Variants in CCSER1 observed in about 807,000 individuals in gnomAD.
CCSER1 encodes serine-rich coiled-coil domain-containing protein 1.
Under a neutral mutation model 82.0 loss-of-function variants are expected in CCSER1, and 41 were observed. The observed-to-expected ratio is 0.50, with a 90% CI of 0.39 to 0.65. The LOEUF is 0.65. Among genes scored for constraint, CCSER1 ranks in the 30% least tolerant of loss-of-function variants. The probability of loss-of-function intolerance (pLI) is 0.00; values close to 1 mark genes in which losing one functional copy is unlikely to be tolerated. For synonymous variants in CCSER1, 414 were observed against 383.9 expected (o/e 1.08, Z -0.92); for missense variants, 1,119 against 1,064.2 (o/e 1.05, Z -0.72).
intron 10 of CCSER1, among the ~76,000 whole-genome samples, chr4:91,191,188 A>C (rs1381524046): frequency 1.3e-5 from 2 of 152,160 alleles, no homozygotes; most frequent in Admixed American, 1.3e-4. Flanking sequence ...CTTTCTTTTC[A>C]AAGCTAACTG....
chr4:90,332,364 G>A (rs1302057773), intron 3 of CCSER1, among the ~76,000 whole-genome samples: 3 of 150,884 alleles, frequency 2.0e-5, no homozygotes, highest in Admixed American at 1.3e-4. Flanking sequence ...AGCCTCCCAC[G>A]TAGCTGGGAT....
At chr4:90,707,610 C>T (rs924542989) in intron 6 of CCSER1, among the ~76,000 whole-genome samples, 2 of 151,710 alleles carry the variant, frequency 1.3e-5, no homozygotes, top group Non-Finnish European at 2.9e-5. Context: ...TCCAAACATC[C>T]ATTATCTCTC....
At position 91,446,634 on chromosome 4, in the gene CCSER1, ATG is replaced by A. The variant is rs1161550396; in HGVS notation, c.2218-151936_2218-151935del. Among the ~76,000 whole-genome samples, 31 of 146,276 alleles carry A rather than the reference ATG, an allele frequency of 2.1e-4. No homozygotes were observed. In the Admixed American group the frequency reaches 2.2e-3, roughly 10 times the overall value. The stretch of plus-strand genomic sequence containing the variant: ...ATGTAGTAATGAATATGTAATGTCT[ATG>A]TAATGAATATTTTATACAAATATAT... On this transcript the variant is annotated intron_variant, in intron 10 of 10. Transcript: ENST00000509176.
chr4:90,482,037 C>T (rs1408236769), intron 5 of CCSER1, among the ~76,000 whole-genome samples: 1 of 152,138 alleles, frequency 6.6e-6, no homozygotes, highest in Non-Finnish European at 1.5e-5. Flanking sequence ...TAATTATAGC[C>T]TCAATTTCAA....
intron 8 of CCSER1, among the ~76,000 whole-genome samples, chr4:90,823,200 TAA>T (rs1759987513): frequency 6.6e-6 from 1 of 152,024 alleles, no homozygotes; most frequent in Non-Finnish European, 1.5e-5. Flanking sequence ...AGGTTATGAT[TAA>T]GTTTTAAACT....
intron 9 of CCSER1, among the ~76,000 whole-genome samples, chr4:90,993,192 T>A (rs1012469781): frequency 6.6e-6 from 1 of 152,114 alleles, no homozygotes; most frequent in African/African-American, 2.4e-5. Context: ...GTAAATGTAG[T>A]CATTTTTATG....
At chr4:90,938,184 G>A (rs1305018457) in intron 9 of CCSER1, among the ~76,000 whole-genome samples, 1 of 151,984 alleles carries the variant, frequency 6.6e-6, no homozygotes, top group African/African-American at 2.4e-5. Flanking sequence ...ATAATAATAA[G>A]ATAATAATTG....
chr4:90,777,159 C>T (rs1580417184), intron 7 of CCSER1, among the ~76,000 whole-genome samples: 1 of 151,978 alleles, frequency 6.6e-6, no homozygotes, highest in East Asian at 1.9e-4. Flanking sequence ...GAGTTCGAGA[C>T]CAGCCCAGCC....
chr4:91,047,947 T>A (rs1230321424), intron 9 of CCSER1, among the ~76,000 whole-genome samples: 1 of 152,130 alleles, frequency 6.6e-6, no homozygotes, highest in African/African-American at 2.4e-5. Flanking sequence ...TTAATTTTTA[T>A]TAATAAATGG....
chr4:91,418,031 C>T (rs1452783937), intron 10 of CCSER1, among the ~76,000 whole-genome samples: 2 of 151,680 alleles, frequency 1.3e-5, no homozygotes, highest in Non-Finnish European at 2.9e-5. Context: ...TGACTTGACA[C>T]AAAAGAATAT....
At chr4:90,152,077 G>C (rs904713677) in intron 1 of CCSER1, among the ~76,000 whole-genome samples, 3 of 152,144 alleles carry the variant, frequency 2.0e-5, no homozygotes, top group Non-Finnish European at 4.4e-5. Flanking sequence ...TTGACTGCAA[G>C]TAACCCAAAT....
chr4:90,425,921 T>C (rs1757462236), intron 4 of CCSER1, among the ~76,000 whole-genome samples: 1 of 150,952 alleles, frequency 6.6e-6, no homozygotes, highest in Non-Finnish European at 1.5e-5. Flanking sequence ...TTCTATTTTT[T>C]TTAAAAAAAA....
At chr4:90,187,562 T>C (rs1005686463) in intron 1 of CCSER1, among the ~76,000 whole-genome samples, 1 of 151,934 alleles carries the variant, frequency 6.6e-6, no homozygotes, top group Non-Finnish European at 1.5e-5. Context: ...TAGGGTTTTT[T>C]TGAGCCACAG....
intron 5 of CCSER1, among the ~76,000 whole-genome samples, chr4:90,564,961 T>C (rs1301980373): frequency 6.6e-6 from 1 of 152,118 alleles, no homozygotes; most frequent in African/African-American, 2.4e-5. Flanking sequence ...TAGTATAATG[T>C]CTCTAACCTC....
intron 5 of CCSER1, among the ~76,000 whole-genome samples, chr4:90,481,374 C>A (rs1266227289): frequency 6.6e-6 from 1 of 152,130 alleles, no homozygotes; most frequent in African/African-American, 2.4e-5. Flanking sequence ...CCTTCTCCTG[C>A]CTGATTGCCC....
chr4:90,786,034 C>T (rs1262529297), intron 7 of CCSER1, among the ~76,000 whole-genome samples: 1 of 152,148 alleles, frequency 6.6e-6, no homozygotes. Context: ...CTGGCCTGGT[C>T]GACTTCAATT....
chr4:91,461,497 G>T (rs1177213639), intron 10 of CCSER1, among the ~76,000 whole-genome samples: 1 of 152,080 alleles, frequency 6.6e-6, no homozygotes, highest in Non-Finnish European at 1.5e-5. Flanking sequence ...AAGTATAGTT[G>T]TGGGACAACA....
intron 6 of CCSER1, among the ~76,000 whole-genome samples, chr4:90,656,076 G>C (rs1729645431): frequency 6.6e-6 from 1 of 151,702 alleles, no homozygotes; most frequent in Admixed American, 6.6e-5. Flanking sequence ...TCATCTTTCA[G>C]AGAAAGAAAA....
At chr4:90,161,094 A>G (rs925992024) in intron 1 of CCSER1, among the ~76,000 whole-genome samples, 13 of 152,202 alleles carry the variant, frequency 8.5e-5, no homozygotes, top group Admixed American at 3.3e-4. Flanking sequence ...GTAATGTTGT[A>G]TCCTAAGTGA....
Sources: gnomAD v4.1 joint callset for allele counts (sites outside exome capture counted in the v4.1 genomes callset) on GRCh38, gnomAD v4.1.1 for gene constraint, MANE v1.5 for transcripts, NCBI Gene and HGNC (gene_info 2026-07-23, HGNC 2026-07-21) for gene names.